Variants in NEO1 observed in about 807,000 individuals in gnomAD.
NEO1 encodes the protein neogenin.
Under a neutral mutation model 159.7 loss-of-function variants are expected in NEO1, and 63 were observed. That is an observed-to-expected ratio of 0.39 (90% CI 0.32 to 0.49). The LOEUF (loss-of-function observed/expected upper bound fraction) is 0.49, where lower values mean the gene tolerates loss of function less well. Among genes scored for constraint, NEO1 ranks in the 20% least tolerant of loss-of-function variants. The pLI, the probability that NEO1 is intolerant of heterozygous loss-of-function variation, is 0.85. For missense variants in NEO1, 1,615 were observed against 1,831.0 expected, an observed-to-expected ratio of 0.88 and a Z score of 2.15; for synonymous variants, 633 against 662.0, an observed-to-expected ratio of 0.96 and a Z score of 0.67.
At chr15:73,220,486 T>C (rs1402517910) in intron 7 of NEO1, among the ~76,000 whole-genome samples, 3 of 152,178 alleles carry the variant, frequency 2.0e-5, no homozygotes, top group East Asian at 1.9e-4. Flanking sequence ...CCTTGCTAGA[T>C]TGGGGAAGTT....
At chr15:73,151,697 A>G (rs1461373371) in intron 5 of NEO1, among the ~76,000 whole-genome samples, 1 of 152,222 alleles carries the variant, frequency 6.6e-6, no homozygotes, top group Non-Finnish European at 1.5e-5. Context: ...GCATGGAAGT[A>G]ACCACCCCCA....
intron 7 of NEO1, among the ~76,000 whole-genome samples, chr15:73,183,585 T>G (rs1292534336): frequency 6.6e-6 from 1 of 152,168 alleles, no homozygotes; most frequent in Non-Finnish European, 1.5e-5. Flanking sequence ...AGATTTTGAC[T>G]GCCACAGGAA....
chr15:73,177,160 C>T (rs977282415), intron 6 of NEO1, among the ~76,000 whole-genome samples: 5 of 152,070 alleles, frequency 3.3e-5, no homozygotes, highest in Admixed American at 6.6e-5. Flanking sequence ...GCCATAATTG[C>T]TTTTTACTAT....
At chr15:73,116,400 T>G in intron 1 of NEO1, 140 bp from the exon 2 acceptor site, 1 of 638,806 alleles carries the variant, frequency 1.6e-6, no homozygotes, top group Non-Finnish European at 2.4e-6. Flanking sequence ...TTATTAGACA[T>G]TTGTAGTGAG....
rs779446374 is a variant in NEO1 at position 73,266,392 on chromosome 15, T to C, written c.2475T>C (p.Ala825=). The change falls in exon 16 of 29, where the codon GCT becomes GCC. Residue 825 remains alanine (A), a synonymous_variant. Transcript: ENST00000261908. The stretch of plus-strand genomic sequence containing the variant: ...AAGGCATCCCCCTGTATGAGAGTGC[T>C]GTGACCAGGCCTCACACAGGTAAGG... The part of the protein sequence containing the change: ...VGEGIPLYES[A]VTRPHTDTSE... 7.4e-6 allele frequency: 12 copies of C among 1,613,348 alleles called. No homozygotes were observed. Among genetic ancestry groups the C allele is most frequent in the South Asian group, 2.2e-5 (2 of 90,968 alleles).
At chr15:73,199,446 T>TA (rs2036735978) in intron 7 of NEO1, among the ~76,000 whole-genome samples, 1 of 152,158 alleles carries the variant, frequency 6.6e-6, no homozygotes, top group Admixed American at 6.5e-5. Flanking sequence ...ATTGGAGAGT[T>TA]ATGCTCTACC....
At chr15:73,191,631 GTT>G (rs1017766012) in intron 7 of NEO1, among the ~76,000 whole-genome samples, 1 of 151,612 alleles carries the variant, frequency 6.6e-6, no homozygotes, top group African/African-American at 2.4e-5. Flanking sequence ...AAGTTTGAAG[GTT>G]TTTTCAAAAT....
At chr15:73,110,144 A>G (rs1173469261) in intron 1 of NEO1, among the ~76,000 whole-genome samples, 1 of 152,226 alleles carries the variant, frequency 6.6e-6, no homozygotes, top group Non-Finnish European at 1.5e-5. Flanking sequence ...AGTGGACACT[A>G]AAGAATCAAG....
rs10623352 is a variant in NEO1 at position 73,259,370 on chromosome 15, A to ATTTTTTTTTTT, written c.2203+499_2203+509dup. Among the ~76,000 whole-genome samples the ATTTTTTTTTTT allele has an allele frequency of 1.5e-5, 2 of 135,546 alleles. 1 individual carries two copies. 88.9% of individuals were successfully genotyped at this position (135,546 alleles called of 152,430 possible). A position where few individuals can be genotyped will look rare whatever the true frequency, so the allele number is the denominator to read the frequency against. ...TCTTGTTCTGAGTCTCATTTTACTAATTTTTTTTTTTTTTTGAAAAGGGAT... is the reference window on the plus strand; with the variant it reads ...TCTTGTTCTGAGTCTCATTTTACTAATTTTTTTTTTTTTTTTTTTTTTTTTTGAAAAGGGAT... On this transcript the variant is annotated intron_variant, in intron 14 of 28. Transcript: ENST00000261908.
chr15:73,067,635 G>C (rs1013734641), intron 1 of NEO1, among the ~76,000 whole-genome samples: 3 of 108,634 alleles, frequency 2.8e-5, no homozygotes, highest in Admixed American at 9.6e-5. Context: ...TTTTTTTTTT[G>C]AGACAGAGTC....
chr15:73,180,406 T>C (rs2035535270), intron 7 of NEO1, among the ~76,000 whole-genome samples: 1 of 152,212 alleles, frequency 6.6e-6, no homozygotes, highest in Non-Finnish European at 1.5e-5. Flanking sequence ...TTATTGGAAA[T>C]GATTTTAGTA....
chr15:73,224,322 GT>G lies in NEO1; in HGVS notation c.1292-12019del. Reference sequence around the variant, plus strand: ...TCTTTTTGCAATGAATTTCCCAGGTGTTTTTTGTGCTTCTTGTATTTGGATG... The same window carrying G: ...TCTTTTTGCAATGAATTTCCCAGGTGTTTTTGTGCTTCTTGTATTTGGATG... On this transcript the variant is annotated intron_variant, in intron 7 of 28. Transcript: ENST00000261908. Among the ~76,000 whole-genome samples, 3 of 152,278 alleles carry G rather than the reference GT, an allele frequency of 2.0e-5. No individual in the cohort carries two copies. In the South Asian group the frequency reaches 6.2e-4, roughly 32 times the overall value.
intron 5 of NEO1, among the ~76,000 whole-genome samples, chr15:73,167,870 A>G (rs1263008528): frequency 6.6e-6 from 1 of 152,248 alleles, no homozygotes; most frequent in Non-Finnish European, 1.5e-5. Flanking sequence ...CAGAGCTAAC[A>G]TGTAAACATG....
chr15:73,103,653 A>G (rs569437567), intron 1 of NEO1, among the ~76,000 whole-genome samples: 33 of 152,226 alleles, frequency 2.2e-4, no homozygotes, highest in Non-Finnish European at 4.7e-4. Flanking sequence ...AAGGGCAGAT[A>G]GTAAGTGTCT....
At chr15:73,201,954 C>CTTTTTTTTTTTTTTTTTTTTT (rs1206304409) in intron 7 of NEO1, among the ~76,000 whole-genome samples, 1 of 83,456 alleles carries the variant, frequency 1.2e-5, no homozygotes, top group Non-Finnish European at 2.2e-5. Flanking sequence ...CTATATCATT[C>CTTTTTTTTTTTTTTTTTTTTT]TTTTTTTTTT....
At chr15:73,166,057 G>C (rs2151909541) in intron 5 of NEO1, among the ~76,000 whole-genome samples, 1 of 152,228 alleles carries the variant, frequency 6.6e-6, no homozygotes, top group South Asian at 2.1e-4. Flanking sequence ...CCTGCAGCTT[G>C]ATTTTTCAGG....
rs182484166 is a variant in NEO1, at chr15:73,169,217, G to A, written c.1016-7186G>A. Among the ~76,000 whole-genome samples the A allele has an allele frequency of 1.9e-4, 29 of 152,224 alleles. No homozygotes were observed. The East Asian group carries it at 2.3e-3, about 12-fold the overall frequency. ...TGTTTCTAGTAAAAGAATTTTGCAAGTATAATATATTTTAGTATTAAATTC... is the reference window on the plus strand; with the variant it reads ...TGTTTCTAGTAAAAGAATTTTGCAAATATAATATATTTTAGTATTAAATTC... On this transcript the variant is annotated intron_variant, in intron 5 of 28. Transcript: ENST00000261908.
intron 1 of NEO1, among the ~76,000 whole-genome samples, chr15:73,106,234 AC>A (rs2070685969): frequency 6.6e-6 from 1 of 152,158 alleles, no homozygotes; most frequent in Non-Finnish European, 1.5e-5. Flanking sequence ...CAGAAATAAT[AC>A]AATTTTTTTA....
intron 8 of NEO1, among the ~76,000 whole-genome samples, chr15:73,237,634 T>C (rs2039252649): frequency 6.6e-6 from 1 of 152,224 alleles, no homozygotes; most frequent in South Asian, 2.1e-4. Flanking sequence ...TCAAGAAGTC[T>C]AAGTGGCATA....
Sources: gnomAD v4.1 joint callset for allele counts (sites outside exome capture counted in the v4.1 genomes callset) on GRCh38, gnomAD v4.1.1 for gene constraint, MANE v1.5 for transcripts, NCBI Gene and HGNC (gene_info 2026-07-23, HGNC 2026-07-21) for gene names.